MTUS1: variants seen among roughly 807,000 people sequenced by gnomAD.
MTUS1 encodes the protein microtubule associated scaffold protein 1.
Under a neutral mutation model 120.8 loss-of-function variants are expected in MTUS1, and 109 were observed. The ratio of observed to expected loss-of-function variants is 0.90; its 90% CI spans 0.77 to 1.06. MTUS1 has a LOEUF of 1.06. Among genes scored for constraint, MTUS1 ranks in the 50% least tolerant of loss-of-function variants. MTUS1 has a pLI of 0.00. For missense variants in MTUS1, 2,210 were observed against 1,486.3 expected (o/e 1.49, Z -8.01); for synonymous variants, 737 against 550.5 (o/e 1.34, Z -4.74).
chr8:17,710,357 C>T (rs1368658013), intron 6 of MTUS1, among the ~76,000 whole-genome samples: 3 of 152,186 alleles, frequency 2.0e-5, no homozygotes, highest in African/African-American at 7.2e-5. Flanking sequence ...ATTCGGACTC[C>T]TTTGTCATTT....
chr8:17,688,131 G>T (rs916875997), intron 6 of MTUS1, among the ~76,000 whole-genome samples: 1 of 152,158 alleles, frequency 6.6e-6, no homozygotes, highest in Non-Finnish European at 1.5e-5. Context: ...TTTGCCTTGG[G>T]TTCCGTGAAA....
chr8:17,667,171 C>T (rs2130524609), intron 8 of MTUS1, among the ~76,000 whole-genome samples: 1 of 152,232 alleles, frequency 6.6e-6, no homozygotes, highest in South Asian at 2.1e-4. Context: ...TAAATACAGC[C>T]AACCAAAGTC....
chr8:17,680,354 C>A (rs1484417748), intron 7 of MTUS1, among the ~76,000 whole-genome samples: 1 of 151,090 alleles, frequency 6.6e-6, no homozygotes, highest in Non-Finnish European at 1.5e-5. Context: ...ATCCCAGCTA[C>A]TCAGGAGGCT....
At chr8:17,676,869 G>A (rs1464874466) in intron 7 of MTUS1, among the ~76,000 whole-genome samples, 4 of 151,916 alleles carry the variant, frequency 2.6e-5, no homozygotes, top group Non-Finnish European at 5.9e-5. Context: ...ATGACATTAT[G>A]AAATGAGAGG....
intron 4 of MTUS1, among the ~76,000 whole-genome samples, chr8:17,723,074 C>T (rs953670064): frequency 7.2e-5 from 11 of 152,084 alleles, no homozygotes; most frequent in African/African-American, 2.4e-4. Context: ...GCGGGCACTC[C>T]AAGATGGTTT....
chr8:17,790,377 A>T (rs2051674570), intron 1 of MTUS1, among the ~76,000 whole-genome samples: 1 of 152,114 alleles, frequency 6.6e-6, no homozygotes, highest in African/African-American at 2.4e-5. Flanking sequence ...CAGGAAAAAA[A>T]ATAGTAGTTG....
chr8:17,784,168 T>C (rs185311782), intron 1 of MTUS1, among the ~76,000 whole-genome samples: 22 of 152,342 alleles, frequency 1.4e-4, no homozygotes, highest in Admixed American at 4.6e-4. Context: ...TTAGCCGTTA[T>C]AGGCAAAATG....
intron 6 of MTUS1, among the ~76,000 whole-genome samples, chr8:17,694,918 T>C (rs904005852): frequency 1.3e-5 from 2 of 152,252 alleles, no homozygotes; most frequent in Admixed American, 1.3e-4. Flanking sequence ...GTGGTTCCCT[T>C]ATTTTGTAGC....
rs1275087330 is a variant in MTUS1, at chr8:17,775,404, C to T, written c.-154-19443G>A. Among the ~76,000 whole-genome samples the T allele has an allele frequency of 3.3e-5, 5 of 152,094 alleles. No individual in the cohort carries two copies. The South Asian group carries it at 8.3e-4, about 25-fold the overall frequency. The stretch of plus-strand genomic sequence containing the variant: ...ACCTCCGGGATCCTGAAACTTCAGG[C>T]TGCATCATGAGTATCTGAGACCTCA... On this transcript the variant is annotated intron_variant, in intron 1 of 14. Transcript: ENST00000693296.
At chr8:17,646,238 C>A (rs1158677755) in intron 14 of MTUS1, 99 bp from the exon 15 acceptor site, 8 of 1,270,188 alleles carry the variant, frequency 6.3e-6, no homozygotes, top group Non-Finnish European at 7.4e-6. Context: ...CAAAATTATT[C>A]CTTTGGGATA....
At position 17,754,372 on chromosome 8, in the gene MTUS1, A is replaced by C; in HGVS notation, c.1436T>G (p.Leu479Ter). ...ATTCGTTTTGATTGTTGATTTTCCT[A>C]AACTGGGTTTACACAGGTTCACAGG... ...EAPVNLCKPS[L>*]GKSTIKTNTP... The change falls in exon 2 of 15, where the codon TTA becomes TGA. Residue 479 changes from leucine (L) to a stop codon, truncating the protein, a stop_gained. Transcript: ENST00000693296. LOFTEE classifies it high-confidence loss of function. 6.2e-7 allele frequency: 1 copy of C among 1,614,070 alleles called. No individual in the cohort carries two copies.
At chr8:17,763,631 G>A (rs1162494829) in intron 1 of MTUS1, among the ~76,000 whole-genome samples, 4 of 152,078 alleles carry the variant, frequency 2.6e-5, no homozygotes, top group African/African-American at 7.2e-5. Flanking sequence ...ACGGTGCACT[G>A]AGGGAGATAC....
intron 1 of MTUS1, among the ~76,000 whole-genome samples, chr8:17,782,105 C>A (rs1016791625): frequency 1.3e-5 from 2 of 152,226 alleles, no homozygotes; most frequent in Admixed American, 1.3e-4. Flanking sequence ...CACAGATATA[C>A]TACTCATACA....
chr8:17,681,058 C>G (rs189900772), intron 7 of MTUS1, among the ~76,000 whole-genome samples: 15 of 152,184 alleles, frequency 9.9e-5, no homozygotes, highest in Admixed American at 7.8e-4. Context: ...CTTAGCCTCC[C>G]GAGTAGCTGG....
intron 4 of MTUS1, chr8:17,716,407 G>C (rs1026556117): frequency 2.6e-5 from 4 of 152,534 alleles, no homozygotes; most frequent in African/African-American, 4.8e-5. Flanking sequence ...CCTGAACAAA[G>C]GAAGTTTGTT....
At position 17,763,687 on chromosome 8, in the gene MTUS1, C is replaced by G. The variant is rs186067789; in HGVS notation, c.-154-7726G>C. On this transcript the variant is annotated intron_variant, in intron 1 of 14. Transcript: ENST00000693296. ...ACAGGATTAACAGTACCCTACCCAG[C>G]CTGGAGCCCCAGGCAAAGGGAAACA... Among the ~76,000 whole-genome samples, 40 of 152,306 alleles carry G rather than the reference C, an allele frequency of 2.6e-4. No homozygotes were observed. In the East Asian group the frequency reaches 6.9e-3, roughly 26 times the overall value.
chr8:17,786,935 G>A (rs1438352467), intron 1 of MTUS1, among the ~76,000 whole-genome samples: 1 of 152,118 alleles, frequency 6.6e-6, no homozygotes, highest in East Asian at 1.9e-4. Context: ...TTGTATCACA[G>A]CTATACATTT....
At chr8:17,773,983 C>A (rs1382362310) in intron 1 of MTUS1, among the ~76,000 whole-genome samples, 1 of 152,146 alleles carries the variant, frequency 6.6e-6, no homozygotes, top group Non-Finnish European at 1.5e-5. Context: ...TGTTCTTCCC[C>A]ACTGTGCAGC....
intron 4 of MTUS1, among the ~76,000 whole-genome samples, chr8:17,718,685 GC>G (rs1822796994): frequency 6.6e-6 from 1 of 151,878 alleles, no homozygotes; most frequent in African/African-American, 2.4e-5. Context: ...GTTTAAAACT[GC>G]CCCTTTGTCA....
Sources: gnomAD v4.1 joint callset for allele counts (sites outside exome capture counted in the v4.1 genomes callset) on GRCh38, gnomAD v4.1.1 for gene constraint, MANE v1.5 for transcripts, NCBI Gene and HGNC (gene_info 2026-07-23, HGNC 2026-07-21) for gene names.